The following VRK1 variants were observed in gnomAD, a reference collection of about 807,000 sequenced individuals.
The protein encoded by VRK1 is serine/threonine-protein kinase VRK1.
Under a neutral mutation model 57.1 loss-of-function variants are expected in VRK1, and 33 were observed. The ratio of observed to expected loss-of-function variants is 0.58; its 90% CI spans 0.44 to 0.77. The LOEUF is 0.77. Ranked by LOEUF, VRK1 falls within the 30% of genes least tolerant of loss-of-function variation. VRK1 has a pLI of 0.00. For synonymous variants in VRK1, 137 were observed against 147.8 expected, an observed-to-expected ratio of 0.93 and a Z score of 0.53; for missense variants, 413 against 477.3, an observed-to-expected ratio of 0.87 and a Z score of 1.25.
At position 96,846,143 on chromosome 14, in the gene VRK1, C is replaced by A; in HGVS notation, c.265C>A (p.Arg89=). Residue 89 remains arginine, a synonymous_variant, in exon 4 of 13, where the codon CGA becomes AGA. Transcript: ENST00000216639. ...PLFTELKFYQ[R]AAKPEQIQKW... is the part of the protein sequence containing the mutation. ...TTTTACTGAATTAAAGTTCTACCAA[C>A]GAGCTGCAAAACCAGAGCAAAGTAA... 1 of 1,613,366 alleles carries A rather than the reference C, an allele frequency of 6.2e-7. No homozygotes were observed. The highest frequency in any genetic ancestry group is 8.5e-7 in the Non-Finnish European group (1 of 1,179,536).
rs942867395 is a variant in VRK1, at chr14:96,850,765, G to T, written c.375-2066G>T. 2.6e-5 allele frequency among the ~76,000 whole-genome samples: 4 copies of T among 152,232 alleles called. No homozygotes were observed. The South Asian group carries it at 8.3e-4, about 32-fold the overall frequency. ...TGGCACCAGAAGTATTTTAGATTTG[G>T]GATTTCTTAAGGATTTTGGAATATT... On this transcript the variant is annotated intron_variant, in intron 5 of 12. Coordinates refer to ENST00000216639, the MANE Select transcript of VRK1 (RefSeq NM_003384.3).
At chr14:96,877,810 G>A (rs1040671352) in intron 12 of VRK1, 12 of 437,586 alleles carry the variant, frequency 2.7e-5, no homozygotes, top group African/African-American at 1.3e-4. Context: ...AGCATCAAGC[G>A]TTTTTGTTTT....
chr14:96,798,609 T>G (rs1432090101), intron 1 of VRK1, among the ~76,000 whole-genome samples: 1 of 152,168 alleles, frequency 6.6e-6, no homozygotes, highest in Non-Finnish European at 1.5e-5. Flanking sequence ...GCCCATCTGT[T>G]GAGACTGAAA....
chr14:96,801,181 A>C (rs1885646763), intron 1 of VRK1, among the ~76,000 whole-genome samples: 1 of 152,194 alleles, frequency 6.6e-6, no homozygotes, highest in South Asian at 2.1e-4. Context: ...TAAGAATCCA[A>C]AAGAGATTGC....
At chr14:96,839,486 G>T (rs1299595459) in intron 3 of VRK1, among the ~76,000 whole-genome samples, 3 of 152,144 alleles carry the variant, frequency 2.0e-5, no homozygotes, top group Non-Finnish European at 1.5e-5. Flanking sequence ...AGTTCTGTTT[G>T]TGTCCTCTTC....
At chr14:96,847,224 A>G (rs773995170) in intron 4 of VRK1, 33 bp from the exon 5 acceptor site, 12 of 1,575,552 alleles carry the variant, frequency 7.6e-6, no homozygotes, top group South Asian at 1.1e-5. Flanking sequence ...ATGTATAACA[A>G]TTGAAATCAC....
chr14:96,823,129 A>G (rs191100152), intron 1 of VRK1, among the ~76,000 whole-genome samples: 22 of 151,624 alleles, frequency 1.5e-4, no homozygotes, highest in Admixed American at 1.2e-3. Context: ...TCTACCTTCT[A>G]CTCCCTATCC....
intron 11 of VRK1, among the ~76,000 whole-genome samples, chr14:96,867,171 T>A (rs1437869336): frequency 2.0e-5 from 3 of 152,192 alleles, no homozygotes; most frequent in East Asian, 3.9e-4. Context: ...GTTATCCATG[T>A]CCTTTCTCTT....
At chr14:96,833,191 C>G (rs541084392) in intron 1 of VRK1, among the ~76,000 whole-genome samples, 5 of 152,128 alleles carry the variant, frequency 3.3e-5, no homozygotes. Context: ...TATTAAATAG[C>G]ATTTTTAGTT....
intron 7 of VRK1, 27 bp downstream of exon 7, chr14:96,853,193 A>G: frequency 6.3e-7 from 1 of 1,582,638 alleles, no homozygotes; most frequent in Non-Finnish European, 8.7e-7. Context: ...AATTTCTACT[A>G]TTTAAAGCGT....
intron 3 of VRK1, among the ~76,000 whole-genome samples, chr14:96,841,986 T>G (rs1195443523): frequency 6.6e-6 from 1 of 152,194 alleles, no homozygotes; most frequent in Non-Finnish European, 1.5e-5. Flanking sequence ...GTATTAACAT[T>G]TATTTTACAG....
chr14:96,856,256 G>GA lies in VRK1; in HGVS notation c.830+6_830+7insA. On this transcript the variant is annotated splice_region_variant and intron_variant, in intron 9 of 12. Coordinates refer to ENST00000216639, the MANE Select transcript of VRK1 (RefSeq NM_003384.3). ...GTTAGAGATTCCAAAATTAGGTAAA[G>GA]GAAAACTTAAGTTATTTCTAGCAAA... 1 of 1,612,196 alleles carries GA rather than the reference G, an allele frequency of 6.2e-7. No homozygotes were observed. The highest frequency in any genetic ancestry group is 8.5e-7 in the Non-Finnish European group (1 of 1,179,530).
At chr14:96,868,023 G>T (rs148042088) in intron 11 of VRK1, among the ~76,000 whole-genome samples, 149 of 151,900 alleles carry the variant, frequency 9.8e-4, no homozygotes, top group African/African-American at 2.6e-3. Flanking sequence ...CATGTTTTTT[G>T]TTGTTTGACT....
At chr14:96,798,273 T>A (rs1444673313) in intron 1 of VRK1, among the ~76,000 whole-genome samples, 4 of 152,168 alleles carry the variant, frequency 2.6e-5, no homozygotes, top group Non-Finnish European at 5.9e-5. Context: ...CAACGCATAG[T>A]TTTTCCTACC....
intron 11 of VRK1, among the ~76,000 whole-genome samples, chr14:96,869,155 T>G (rs935380619): frequency 6.6e-6 from 1 of 152,240 alleles, no homozygotes; most frequent in African/African-American, 2.4e-5. Context: ...GTGTTATCTG[T>G]CTTGCTTATA....
At chr14:96,809,410 A>G (rs941059912) in intron 1 of VRK1, among the ~76,000 whole-genome samples, 1 of 152,090 alleles carries the variant, frequency 6.6e-6, no homozygotes, top group Admixed American at 6.5e-5. Flanking sequence ...AATAGTTTCT[A>G]TTTTGAGGCA....
chr14:96,837,923 C>A, intron 3 of VRK1, 106 bp downstream of exon 3: 2 of 638,228 alleles, frequency 3.1e-6, no homozygotes, highest in Non-Finnish European at 2.4e-6. Context: ...TAAGATACTA[C>A]ATTTTTAATA....
intron 3 of VRK1, among the ~76,000 whole-genome samples, chr14:96,843,242 A>T (rs76990302): frequency 6.6e-6 from 1 of 152,100 alleles, no homozygotes; most frequent in Non-Finnish European, 1.5e-5. Flanking sequence ...TTGCTGACAG[A>T]CTTAATATGA....
intron 11 of VRK1, among the ~76,000 whole-genome samples, chr14:96,873,742 A>T (rs916453807): frequency 1.3e-5 from 2 of 152,208 alleles, no homozygotes; most frequent in African/African-American, 4.8e-5. Context: ...AATTTTACTC[A>T]TTGCCTTATA....
Sources: allele counts gnomAD v4.1 joint callset (sites outside exome capture counted in the v4.1 genomes callset), GRCh38; gene constraint gnomAD v4.1.1; transcripts MANE v1.5; gene names NCBI Gene and HGNC (gene_info 2026-07-23, HGNC 2026-07-21).